The following AEN variants were observed in gnomAD, a reference collection of about 807,000 sequenced individuals.
AEN encodes the protein apoptosis enhancing nuclease, also known as apoptosis-enhancing nuclease.
AEN carries 21 observed loss-of-function variants against 17.7 expected under a neutral mutation model. The observed-to-expected ratio is 1.19, with a 90% CI of 0.84 to 1.71. The LOEUF is 1.71. Among genes scored for constraint, AEN ranks in the 40% most tolerant of loss-of-function variants. The pLI, the probability that AEN is intolerant of heterozygous loss-of-function variation, is 0.00. For synonymous variants in AEN, 190 were observed against 173.0 expected (o/e 1.10, Z -0.77); for missense variants, 462 against 435.9 (o/e 1.06, Z -0.53).
At position 88,626,507 on chromosome 15, in the gene AEN, G is replaced by A. The variant is rs147477549; in HGVS notation, c.298G>A (p.Gly100Arg). The change falls in exon 2 of 4, where the codon GGG becomes AGG. Residue 100 changes from glycine (G) to arginine (R), a missense_variant. Coordinates refer to ENST00000332810, the MANE Select transcript of AEN (RefSeq NM_022767.4). ...SAPCSRRPAP[G>R]KASGPLPSKC... ...CCCATGCAGCAGAAGGCCTGCTCCCGGGAAAGCCTCAGGGCCCTTGCCCAG... is the reference window on the plus strand; with the variant it reads ...CCCATGCAGCAGAAGGCCTGCTCCCAGGAAAGCCTCAGGGCCCTTGCCCAG... 3.3e-3 allele frequency: 5,305 copies of A among 1,614,134 alleles called. 13 individuals carry two copies. The highest frequency in any genetic ancestry group is 4.0e-3 in the Non-Finnish European group (4,681 of 1,180,044).
chr15:88,617,348 G>A (rs1467003682), upstream of AEN, among the ~76,000 whole-genome samples: 1 of 152,108 alleles, frequency 6.6e-6, no homozygotes, highest in Non-Finnish European at 1.5e-5. Context: ...CTATCTCCGG[G>A]GTGCAGGAGA....
chr15:88,629,959 G>A (rs1355272551), intron 3 of AEN, 99 bp from the exon 4 acceptor site: 11 of 1,070,262 alleles, frequency 1.0e-5, no homozygotes, highest in Admixed American at 9.0e-5. Flanking sequence ...ACGTATTCTT[G>A]GGCCTGCACA....
rs1000116081 is a variant in AEN at position 88,629,433 on chromosome 15, G to A, written c.741+7G>A. 1 of 1,611,712 alleles carries A rather than the reference G, an allele frequency of 6.2e-7. No homozygotes were observed. The highest frequency in any genetic ancestry group is 8.5e-7 in the Non-Finnish European group (1 of 1,178,198). On this transcript the variant is annotated splice_region_variant and intron_variant, in intron 3 of 3. Coordinates refer to ENST00000332810, the MANE Select transcript of AEN (RefSeq NM_022767.4). ...GCTGCACAAGAAGATCCAGGTGCGT[G>A]GTGGGAGAGTGGCTGGAAGGGAGGG...
chr15:88,631,043 G>A lies in AEN; in HGVS notation c.*749G>A. ...CACAGCTCAGGGAGGAGGGAAGGCA[G>A]GTAAGCTTTGGACGAGAACTGGCAT... is the stretch of plus-strand genomic sequence containing the variant. On this transcript the variant is annotated 3_prime_UTR_variant, in exon 4 of 4. Transcript: ENST00000332810. 2.2e-6 allele frequency: 1 copy of A among 446,756 alleles called. No homozygotes were observed. Among genetic ancestry groups the A allele is most frequent in the South Asian group, 1.6e-5 (1 of 64,376 alleles). 27.7% of individuals were successfully genotyped at this position (446,756 alleles called of 1,614,324 possible). A position where few individuals can be genotyped will look rare whatever the true frequency, so the allele number is the denominator to read the frequency against.
upstream of AEN, among the ~76,000 whole-genome samples, chr15:88,620,195 A>G (rs1346514259): frequency 1.3e-5 from 2 of 151,978 alleles, no homozygotes; most frequent in Non-Finnish European, 2.9e-5. Flanking sequence ...GAACTAAGAG[A>G]AGTCAGACTG....
chr15:88,626,350 G>T lies in AEN; in HGVS notation c.141G>T (p.Leu47=). The T allele has an allele frequency of 6.2e-7, 1 of 1,613,298 alleles. No homozygotes were observed. The highest frequency in any genetic ancestry group is 8.5e-7 in the Non-Finnish European group (1 of 1,179,802). ...HQRFMARKAL[L]QEQGLLSMPP... is the part of the protein sequence containing the mutation. ...GGTTCATGGCCCGGAAGGCCTTGCT[G>T]CAGGAGCAGGGGCTGCTGAGCATGC... Residue 47 remains leucine (L), a synonymous_variant, in exon 2 of 4, where the codon CTG becomes CTT. Coordinates refer to ENST00000332810, the MANE Select transcript of AEN (RefSeq NM_022767.4).
In AEN at chr15:88,630,427, G is replaced by A; in HGVS notation, c.*133G>A. 1.4e-6 allele frequency: 1 copy of A among 736,076 alleles called. No homozygotes were observed. Among genetic ancestry groups the A allele is most frequent in the South Asian group, 1.8e-5 (1 of 55,714 alleles). 45.6% of individuals were successfully genotyped at this position (736,076 alleles called of 1,614,324 possible). ...AGCCAGCCCCAGGGCCAGAGGAGTA[G>A]GGGTCATCTGTTACCTTGACACCCT... is the stretch of plus-strand genomic sequence containing the variant. On this transcript the variant is annotated 3_prime_UTR_variant, in exon 4 of 4. Coordinates refer to ENST00000332810, the MANE Select transcript of AEN (RefSeq NM_022767.4). The surrounding 1 kb of genome is among the most constrained non-coding windows in gnomAD (Gnocchi z 5.1).
the AEN span, among the ~76,000 whole-genome samples, chr15:88,608,988 G>A: frequency 2.0e-5 from 3 of 152,136 alleles, no homozygotes; most frequent in Non-Finnish European, 2.9e-5. Flanking sequence ...CCCTAAAAGA[G>A]GGGAAGTCAA....
rs957691310 is a variant in AEN, at chr15:88,631,675, C to T, written c.*1381C>T. On this transcript the variant is annotated 3_prime_UTR_variant, in exon 4 of 4. Coordinates refer to ENST00000332810, the MANE Select transcript of AEN (RefSeq NM_022767.4). Reference sequence around the variant, plus strand: ...TATCCCCCTTTTTTTTTTTTAAGCCCATTGTTTATTCTTTGAGAATTTGTT... The same window carrying T: ...TATCCCCCTTTTTTTTTTTTAAGCCTATTGTTTATTCTTTGAGAATTTGTT... 3 of 152,156 alleles carry T rather than the reference C, an allele frequency of 2.0e-5. No homozygotes were observed. Among genetic ancestry groups the T allele is most frequent in the African/African-American group, 7.3e-5 (3 of 41,212 alleles). The allele number at this position is 152,156 out of a possible 1,614,324, so 9.4% of individuals were successfully genotyped here. A position where few individuals can be genotyped will look rare whatever the true frequency, so the allele number is the denominator to read the frequency against.
intron 1 of AEN, chr15:88,621,874 A>G (rs1749778314): frequency 6.6e-6 from 1 of 152,102 alleles, no homozygotes; most frequent in Non-Finnish European, 1.5e-5. Context: ...AAAAATCTAG[A>G]TTCTCAGGCC....
At chr15:88,609,500 C>T in the AEN span, among the ~76,000 whole-genome samples, 1 of 152,154 alleles carries the variant, frequency 6.6e-6, no homozygotes, top group Non-Finnish European at 1.5e-5. Context: ...GGATCCCCAT[C>T]ATCCATTACT....
At chr15:88,612,143 C>A in the AEN span, among the ~76,000 whole-genome samples, 1 of 152,134 alleles carries the variant, frequency 6.6e-6, no homozygotes, top group Non-Finnish European at 1.5e-5. Context: ...TGCTTCCATA[C>A]CACTACCTGA....
At chr15:88,605,927 G>A in the AEN span, among the ~76,000 whole-genome samples, 2 of 152,106 alleles carry the variant, frequency 1.3e-5, no homozygotes, top group East Asian at 3.8e-4. This position sits in a 1 kb window ranked among gnomAD's most constrained non-coding sequence, Gnocchi z 7.6. Context: ...GACCCCACGC[G>A]GAGGAGGTCA....
At position 88,626,517 on chromosome 15, in the gene AEN, C is replaced by A; in HGVS notation, c.308C>A (p.Ser103Ter). ...AGAAGGCCTGCTCCCGGGAAAGCCT[C>A]AGGGCCCTTGCCCAGCAAGTGTGTG... is the stretch of plus-strand genomic sequence containing the variant. Reference protein sequence around the residue: ...CSRRPAPGKASGPLPSKCVAI... With the variant: ...CSRRPAPGKA The change falls in exon 2 of 4, where the codon TCA becomes TAA. Residue 103 changes from serine (S) to a stop codon, truncating the protein, a stop_gained. Transcript: ENST00000332810. LOFTEE classifies it high-confidence loss of function. 1 of 1,614,184 alleles carries A rather than the reference C, an allele frequency of 6.2e-7. No homozygotes were observed. The highest frequency in any genetic ancestry group is 8.5e-7 in the Non-Finnish European group (1 of 1,180,040).
chr15:88,629,370 C>T lies in AEN; in HGVS notation c.685C>T (p.Arg229Trp), dbSNP rs770249947. 1.6e-5 allele frequency: 26 copies of T among 1,614,014 alleles called. No homozygotes were observed. The highest frequency in any genetic ancestry group is 1.0e-4 in the Admixed American group (6 of 60,004). ...CCTCAGCGAGCCCGGCCTCCACACC[C>T]GGGCCCGGGTCTCTCTAAAGGACCT... ...NFLSEPGLHT[R>W]ARVSLKDLAL... The change falls in exon 3 of 4, where the codon CGG becomes TGG. Residue 229 changes from arginine (R) to tryptophan (W), a missense_variant. By Grantham distance (101) the Arg-to-Trp change is moderately radical (BLOSUM62 -3). Coordinates refer to ENST00000332810, the MANE Select transcript of AEN (RefSeq NM_022767.4).
chr15:88,626,594 C>G lies in AEN; in HGVS notation c.385C>G (p.Leu129Val). ...GTGPRGRVSE[L>V]ARCSIVSYHG... ...GGGACCCCGAGGGCGGGTAAGCGAG[C>G]TGGCCCGCTGTTCCATTGTGAGCTA... is the stretch of plus-strand genomic sequence containing the variant. The change falls in exon 2 of 4, where the codon CTG becomes GTG. Residue 129 changes from leucine to valine, a missense_variant. By Grantham distance (32) the Leu-to-Val change is conservative. Coordinates refer to ENST00000332810, the MANE Select transcript of AEN (RefSeq NM_022767.4). 6.2e-7 allele frequency: 1 copy of G among 1,614,104 alleles called. No homozygotes were observed. Among genetic ancestry groups the G allele is most frequent in the Non-Finnish European group, 8.5e-7 (1 of 1,180,034 alleles).
At chr15:88,609,380 T>C in the AEN span, among the ~76,000 whole-genome samples, 2 of 152,224 alleles carry the variant, frequency 1.3e-5, no homozygotes, top group Admixed American at 6.5e-5. Flanking sequence ...GCTCTAGACC[T>C]GGACCCTCCC....
chr15:88,608,116 G>C, the AEN span: 4 of 529,966 alleles, frequency 7.5e-6, no homozygotes, highest in African/African-American at 7.7e-5. Context: ...TGGCTGGAAA[G>C]GAAGAAGCAT....
upstream of AEN, among the ~76,000 whole-genome samples, chr15:88,620,138 T>C (rs1596024708): frequency 6.6e-6 from 1 of 152,102 alleles, no homozygotes; most frequent in African/African-American, 2.4e-5. Flanking sequence ...TCCTAGCTTA[T>C]TTCTCATCAC....
Sources: gnomAD v4.1 joint callset for allele counts (sites outside exome capture counted in the v4.1 genomes callset) on GRCh38, gnomAD v4.1.1 for gene constraint, Gnocchi (gnomAD v3.1) non-coding constraint, MANE v1.5 for transcripts, NCBI Gene and HGNC (gene_info 2026-07-23, HGNC 2026-07-21) for gene names.